The following AGBL1 variants were observed in gnomAD, a reference collection of about 807,000 sequenced individuals.
AGBL1 encodes the protein cytosolic carboxypeptidase 4.
AGBL1 carries 130 observed loss-of-function variants against 118.9 expected under a neutral mutation model. The observed-to-expected ratio is 1.09, with a 90% CI of 0.95 to 1.26. AGBL1 has a LOEUF of 1.26. AGBL1 is among the 50% of genes most tolerant of loss of function. The pLI is 0.00. For synonymous variants in AGBL1, 555 were observed against 478.9 expected (o/e 1.16, Z -2.08); for missense variants, 1,584 against 1,298.1 (o/e 1.22, Z -3.38).
At chr15:86,505,686 C>T (rs1218273917) in intron 18 of AGBL1, among the ~76,000 whole-genome samples, 1 of 151,916 alleles carries the variant, frequency 6.6e-6, no homozygotes, top group Non-Finnish European at 1.5e-5. Context: ...TTTAGTTCTT[C>T]AGACCTGTTT....
Position 87,028,839 on chromosome 15 carries a change from G to C in AGBL1, c.3338G>C (p.Ter1113SerextTer1). The change falls in exon 25 of 25, where the codon TGA (stop) becomes TCA (serine). Residue 1113 changes from the stop codon to serine, a stop_lost. Transcript: ENST00000441037. ...TTCCTTCTCAGAGTTTGTGACACTT[G>C]ATGAGGCTCCCTTCAAATGAGCAAG... 3 of 1,605,910 alleles carry C rather than the reference G, an allele frequency of 1.9e-6. No individual in the cohort carries two copies. The South Asian group carries it at 3.3e-5, about 18-fold the overall frequency.
chr15:86,285,442 C>A (rs967817573), intron 16 of AGBL1, among the ~76,000 whole-genome samples: 1 of 151,996 alleles, frequency 6.6e-6, no homozygotes, highest in Non-Finnish European at 1.5e-5. Flanking sequence ...CAGGTCTTTC[C>A]CATGCTGTTC....
At chr15:86,339,613 T>C (rs1221467652) in intron 17 of AGBL1, among the ~76,000 whole-genome samples, 2 of 152,248 alleles carry the variant, frequency 1.3e-5, no homozygotes, top group Non-Finnish European at 2.9e-5. Flanking sequence ...TTCCCTCCAT[T>C]CTGCTGTTTA....
chr15:86,459,624 C>T (rs1043894840), intron 18 of AGBL1, among the ~76,000 whole-genome samples: 1 of 152,122 alleles, frequency 6.6e-6, no homozygotes, highest in Non-Finnish European at 1.5e-5. Context: ...ATTGATCACT[C>T]ATCATGCCCC....
intron 22 of AGBL1, among the ~76,000 whole-genome samples, chr15:86,818,896 T>C (rs1231670698): frequency 6.6e-6 from 1 of 152,192 alleles, no homozygotes; most frequent in Non-Finnish European, 1.5e-5. Context: ...TAATAATTCC[T>C]ACTCCATGGT....
chr15:86,799,219 G>A (rs1596491776), intron 22 of AGBL1, among the ~76,000 whole-genome samples: 1 of 151,800 alleles, frequency 6.6e-6, no homozygotes, highest in South Asian at 2.1e-4. Context: ...GGGTACATGT[G>A]CACAATGTGC....
chr15:86,307,561 G>A (rs772916527), intron 17 of AGBL1, among the ~76,000 whole-genome samples: 27 of 151,990 alleles, frequency 1.8e-4, no homozygotes, highest in Admixed American at 8.5e-4. Flanking sequence ...TAAAAGTGAT[G>A]TGCCTGGTTG....
At chr15:86,546,874 A>G (rs998486552) in intron 20 of AGBL1, among the ~76,000 whole-genome samples, 3 of 152,208 alleles carry the variant, frequency 2.0e-5, no homozygotes, top group African/African-American at 7.2e-5. Context: ...GTCTTTGTTT[A>G]AAATTTCTGT....
intron 23 of AGBL1, among the ~76,000 whole-genome samples, chr15:86,922,356 T>C (rs1048521723): frequency 1.4e-4 from 22 of 152,214 alleles, no homozygotes; most frequent in African/African-American, 4.6e-4. Context: ...AATGGCACAA[T>C]CTCAGCTCAC....
chr15:86,139,871 A>C (rs1490198620), intron 1 of AGBL1: 2 of 156,616 alleles, frequency 1.3e-5, no homozygotes, highest in Non-Finnish European at 2.8e-5. Flanking sequence ...GTGGTGAAGT[A>C]CCACTTGCAT....
chr15:86,340,301 C>G (rs970034804), intron 17 of AGBL1, among the ~76,000 whole-genome samples: 4 of 151,902 alleles, frequency 2.6e-5, no homozygotes, highest in East Asian at 1.9e-4. Context: ...ACTGCCCCCC[C>G]CCCATTCATG....
intron 1 of AGBL1, among the ~76,000 whole-genome samples, chr15:86,090,454 C>G (rs1245205911): frequency 6.6e-6 from 1 of 152,122 alleles, no homozygotes; most frequent in Non-Finnish European, 1.5e-5. Flanking sequence ...TGAGATGTTT[C>G]TATCATTATA....
intron 16 of AGBL1, among the ~76,000 whole-genome samples, chr15:86,283,216 A>T (rs2079383226): frequency 1.3e-5 from 2 of 152,264 alleles, no homozygotes; most frequent in Admixed American, 6.5e-5. Flanking sequence ...TTATGTTATA[A>T]ATAGCCCCTA....
intron 18 of AGBL1, among the ~76,000 whole-genome samples, chr15:86,402,780 A>G (rs2081467448): frequency 6.6e-6 from 1 of 152,186 alleles, no homozygotes; most frequent in African/African-American, 2.4e-5. Flanking sequence ...AAATAAAGGC[A>G]TGATTTCCCA....
intron 22 of AGBL1, among the ~76,000 whole-genome samples, chr15:86,881,085 A>G (rs1383992393): frequency 6.6e-6 from 1 of 152,168 alleles, no homozygotes; most frequent in African/African-American, 2.4e-5. Flanking sequence ...CATGGCGGGC[A>G]GTTCTCATCT....
At chr15:86,114,965 G>A (rs925951761) in intron 1 of AGBL1, among the ~76,000 whole-genome samples, 11 of 152,086 alleles carry the variant, frequency 7.2e-5, no homozygotes, top group Non-Finnish European at 1.0e-4. Flanking sequence ...TTCATGATAG[G>A]CTCTCATGTG....
chr15:86,118,410 A>G (rs1897893786), intron 1 of AGBL1, among the ~76,000 whole-genome samples: 1 of 152,130 alleles, frequency 6.6e-6, no homozygotes, highest in African/African-American at 2.4e-5. Flanking sequence ...AGAACTCTGC[A>G]GCACCACGTA....
At chr15:86,243,905 A>T (rs919979868) in intron 6 of AGBL1, among the ~76,000 whole-genome samples, 1 of 151,960 alleles carries the variant, frequency 6.6e-6, no homozygotes, top group African/African-American at 2.4e-5. Flanking sequence ...CTGGAATCCC[A>T]GTTATGCGGG....
At chr15:86,186,851 G>A (rs907316539) in intron 5 of AGBL1, among the ~76,000 whole-genome samples, 3 of 152,296 alleles carry the variant, frequency 2.0e-5, no homozygotes, top group Non-Finnish European at 2.9e-5. Context: ...GAGCCTGAGA[G>A]AAATTTGGTA....
Sources: allele counts gnomAD v4.1 joint callset (sites outside exome capture counted in the v4.1 genomes callset), GRCh38; gene constraint gnomAD v4.1.1; transcripts MANE v1.5; gene names NCBI Gene and HGNC (gene_info 2026-07-23, HGNC 2026-07-21).